CLEC4A: variants seen among roughly 807,000 people sequenced by gnomAD.
The protein encoded by CLEC4A is C-type lectin domain family 4 member A, also known as C-type (calcium dependent, carbohydrate-recognition domain) lectin, superfamily member 6.
In CLEC4A, 27 loss-of-function variants were observed where a neutral mutation model predicts 32.7. The observed-to-expected ratio is 0.83, with a 90% confidence interval of 0.61 to 1.14. The LOEUF is 1.14. Ranked by LOEUF, CLEC4A falls within the 50% of genes most tolerant of loss-of-function variation. The pLI is 0.00. For missense variants in CLEC4A, 253 were observed against 274.6 expected (o/e 0.92, Z 0.55); for synonymous variants, 89 against 93.7 (o/e 0.95, Z 0.29).
At chr12:8,135,047 CTTTT>C (rs1187858911) in intron 3 of CLEC4A, among the ~76,000 whole-genome samples, 2 of 9,022 alleles carry the variant, frequency 2.2e-4, no homozygotes, top group African/African-American at 3.1e-4. Flanking sequence ...ATTTTATTAT[CTTTT>C]TTTTTTTTTT....
upstream of CLEC4A, among the ~76,000 whole-genome samples, chr12:8,122,694 G>C (rs138010960): frequency 2.6e-5 from 4 of 152,162 alleles, no homozygotes; most frequent in East Asian, 7.7e-4. Flanking sequence ...AGTTAGGAAT[G>C]TGGGAAGGGA....
In CLEC4A at chr12:8,135,741, T is replaced by G; in HGVS notation, c.450+5T>G. 1.2e-6 allele frequency: 2 copies of G among 1,613,556 alleles called. No homozygotes were observed. The highest frequency in any genetic ancestry group is 1.7e-6 in the Non-Finnish European group (2 of 1,179,640). On this transcript the variant is annotated splice_donor_5th_base_variant and intron_variant, in intron 4 of 5. Coordinates refer to ENST00000229332, the MANE Select transcript of CLEC4A (RefSeq NM_016184.4). ...ATAAACACTCAAGAAGAGCAGGTAC[T>G]TTCTAATAGATAATGGGGCTGTGAG...
chr12:8,118,139 C>A, the CLEC4A span, among the ~76,000 whole-genome samples: 1 of 152,014 alleles, frequency 6.6e-6, no homozygotes, highest in African/African-American at 2.4e-5. Context: ...CTGGTTAGCA[C>A]TCAATGAATC....
At chr12:8,124,004 G>A (rs747619528) in intron 1 of CLEC4A, 44 bp downstream of exon 1, 2 of 1,261,926 alleles carry the variant, frequency 1.6e-6, no homozygotes, top group Non-Finnish European at 2.3e-6. Context: ...ACGAGGTGAA[G>A]GATGAGGAGA....
chr12:8,107,591 C>T, the CLEC4A span, among the ~76,000 whole-genome samples: 1 of 152,078 alleles, frequency 6.6e-6, no homozygotes, highest in South Asian at 2.1e-4. Context: ...TCAATTTCTT[C>T]CTGGGTCAAT....
chr12:8,119,046 T>A (rs1447724944), upstream of CLEC4A, among the ~76,000 whole-genome samples: 1 of 152,216 alleles, frequency 6.6e-6, no homozygotes, highest in Non-Finnish European at 1.5e-5. Flanking sequence ...CTCTTCTTTA[T>A]AAATTACCCA....
chr12:8,138,464 G>A lies in CLEC4A; in HGVS notation c.*177G>A. 1 of 729,364 alleles carries A rather than the reference G, an allele frequency of 1.4e-6. No homozygotes were observed. The highest frequency in any genetic ancestry group is 2.2e-6 in the Non-Finnish European group (1 of 463,898). The allele number at this position is 729,364 out of a possible 1,614,324, so 45.2% of individuals were successfully genotyped here. The stretch of plus-strand genomic sequence containing the variant: ...ACTGATTCACTTTTTCATAAAGTGA[G>A]CATTTATTGAGCATTTTTTCATGTG... On this transcript the variant is annotated 3_prime_UTR_variant, in exon 6 of 6. Coordinates refer to ENST00000229332, the MANE Select transcript of CLEC4A (RefSeq NM_016184.4).
chr12:8,124,020 TA>T, intron 1 of CLEC4A, 60 bp downstream of exon 1: 1 of 1,110,372 alleles, frequency 9.0e-7, no homozygotes, highest in Non-Finnish European at 1.4e-6. Flanking sequence ...GGAGAGGGTT[TA>T]TGAATAAGGC....
At position 8,138,525 on chromosome 12, in the gene CLEC4A, A is replaced by G. The variant is rs1444597893; in HGVS notation, c.*238A>G. On this transcript the variant is annotated 3_prime_UTR_variant, in exon 6 of 6. Transcript: ENST00000229332. ...TACTGGAGGCCCCCATTGTGCACAC[A>G]TGGAGAGAACATGAGTCTCTCTTAA... The G allele has an allele frequency of 1.4e-5, 6 of 422,878 alleles. No homozygotes were observed. The highest frequency in any genetic ancestry group is 4.1e-5 in the Admixed American group (1 of 24,316). 26.2% of individuals were successfully genotyped at this position (422,878 alleles called of 1,614,324 possible).
intron 5 of CLEC4A, 62 bp downstream of exon 5, chr12:8,136,965 T>C: frequency 9.1e-7 from 1 of 1,097,642 alleles, no homozygotes; most frequent in East Asian, 2.4e-5. Flanking sequence ...CTTAGGGTAT[T>C]CTAGCTATCA....
upstream of CLEC4A, chr12:8,123,555 T>G (rs888403487): frequency 4.7e-6 from 1 of 212,166 alleles, no homozygotes; most frequent in South Asian, 1.2e-4. Flanking sequence ...TGCTTGGTTC[T>G]TCTTTTATTT....
the CLEC4A span, among the ~76,000 whole-genome samples, chr12:8,112,948 T>C: frequency 6.6e-6 from 1 of 152,036 alleles, no homozygotes; most frequent in Non-Finnish European, 1.5e-5. Flanking sequence ...TTAATAACCA[T>C]ATATCCATTG....
At chr12:8,121,782 T>A (rs1947832895), upstream of CLEC4A, 1 of 152,718 alleles carries the variant, frequency 6.5e-6, no homozygotes. Flanking sequence ...TCAGGTGCAG[T>A]GAGTTGGAGT....
At chr12:8,125,053 G>A (rs993916173) in intron 1 of CLEC4A, among the ~76,000 whole-genome samples, 10 of 152,002 alleles carry the variant, frequency 6.6e-5, no homozygotes, top group Admixed American at 3.3e-4. Flanking sequence ...CATGTGATGA[G>A]GAATGATTAT....
the CLEC4A span, among the ~76,000 whole-genome samples, chr12:8,113,518 C>T: frequency 7.2e-5 from 11 of 152,296 alleles, no homozygotes; most frequent in African/African-American, 2.4e-4. Context: ...CTTGAAGTCT[C>T]CTTAAAGCTC....
upstream of CLEC4A, among the ~76,000 whole-genome samples, chr12:8,120,710 A>G (rs757967169): frequency 6.6e-6 from 1 of 152,282 alleles, no homozygotes; most frequent in Non-Finnish European, 1.5e-5. Context: ...ATCCTCTTTT[A>G]TACTGCCTAA....
At chr12:8,132,429 T>C (rs1254270322) in intron 3 of CLEC4A, among the ~76,000 whole-genome samples, 1 of 152,368 alleles carries the variant, frequency 6.6e-6, no homozygotes, top group East Asian at 1.9e-4. Context: ...GTGTGTTGTT[T>C]AGTTTCAAGC....
rs1947890020 is a variant in CLEC4A at position 8,125,697 on chromosome 12, C to G, written c.199+20C>G. Reference sequence around the variant, plus strand: ...TTGTCAGTAAGTATGCCAACTGAACCAATAAGCAATATCTGCTGTCCATGA... The same window carrying G: ...TTGTCAGTAAGTATGCCAACTGAACGAATAAGCAATATCTGCTGTCCATGA... On this transcript the variant is annotated intron_variant, in intron 2 of 5. Coordinates refer to ENST00000229332, the MANE Select transcript of CLEC4A (RefSeq NM_016184.4). 1 of 1,357,550 alleles carries G rather than the reference C, an allele frequency of 7.4e-7. No homozygotes were observed. Among genetic ancestry groups the G allele is most frequent in the Non-Finnish European group, 1.1e-6 (1 of 947,044 alleles). The allele number at this position is 1,357,550 out of a possible 1,614,324, so 84.1% of individuals were successfully genotyped here. A position where few individuals can be genotyped will look rare whatever the true frequency, so the allele number is the denominator to read the frequency against.
the CLEC4A span, among the ~76,000 whole-genome samples, chr12:8,117,319 A>G: frequency 6.6e-6 from 1 of 151,762 alleles, no homozygotes; most frequent in Admixed American, 6.6e-5. Flanking sequence ...GCTCACTGCA[A>G]CCTCTGCCTC....
Sources: gnomAD v4.1 joint callset for allele counts (sites outside exome capture counted in the v4.1 genomes callset) on GRCh38, gnomAD v4.1.1 for gene constraint, MANE v1.5 for transcripts, NCBI Gene and HGNC (gene_info 2026-07-23, HGNC 2026-07-21) for gene names.